The following NAV3 variants were observed in gnomAD, a reference collection of about 807,000 sequenced individuals.
NAV3 encodes the protein neuron navigator 3.
A neutral mutation model predicts 244.7 loss-of-function variants in NAV3; 87 were observed. That is an observed-to-expected ratio of 0.36 (90% CI 0.30 to 0.42). The LOEUF (loss-of-function observed/expected upper bound fraction) is 0.42, where lower values mean the gene tolerates loss of function less well. NAV3 is among the 20% of genes least tolerant of loss of function. The pLI, the probability that NAV3 is intolerant of heterozygous loss-of-function variation, is 1.00. For synonymous variants in NAV3, 1,126 were observed against 1,042.2 expected (o/e 1.08, Z -1.55); for missense variants, 2,663 against 2,893.3 (o/e 0.92, Z 1.83).
intron 1 of NAV3, among the ~76,000 whole-genome samples, chr12:77,849,315 C>T (rs78923456): frequency 0.012 from 1,752 of 152,166 alleles, 28 homozygotes; most frequent in African/African-American, 0.04. Context: ...TACTTCATGT[C>T]TATATCGCAA....
chr12:77,696,304 A>G (rs1472374573), intron 2 of NAV3, among the ~76,000 whole-genome samples: 2 of 152,192 alleles, frequency 1.3e-5, no homozygotes, highest in South Asian at 2.1e-4. Context: ...CCGTCTTGCT[A>G]GTAGAGTCTC....
At position 77,755,611 on chromosome 12, in the gene NAV3, CTCCT is replaced by C. The variant is rs1186550811; in HGVS notation, c.72+183389_72+183392del. Among the ~76,000 whole-genome samples the C allele has an allele frequency of 2.7e-3, 103 of 38,254 alleles. 8 individuals are homozygous for C. Among genetic ancestry groups the C allele is most frequent in the East Asian group, 0.017 (22 of 1,298 alleles). The allele number at this position is 38,254 out of a possible 152,430, so 25.1% of individuals were successfully genotyped here. A position where few individuals can be genotyped will look rare whatever the true frequency, so the allele number is the denominator to read the frequency against. ...CCTCCCTCCCTCCCTCCCTCCCTCC[CTCCT>C]TCCTTCCTTCCTTCCTTCCTTCCTT... is the stretch of plus-strand genomic sequence containing the variant. On this transcript the variant is annotated intron_variant, in intron 2 of 8. Coordinates refer to the NAV3 transcript ENST00000550042.
At chr12:78,064,478 G>T (rs935222150) in intron 12 of NAV3, among the ~76,000 whole-genome samples, 4 of 145,004 alleles carry the variant, frequency 2.8e-5, no homozygotes, top group African/African-American at 1.0e-4. Context: ...TGTCTATATA[G>T]AGAGAGGTCT....
rs1467347681 is a variant in NAV3 at position 78,006,621 on chromosome 12, A to T, written c.1083A>T (p.Pro361=). 9 of 1,614,098 alleles carry T rather than the reference A, an allele frequency of 5.6e-6. No homozygotes were observed. Among genetic ancestry groups the T allele is most frequent in the Non-Finnish European group, 7.6e-6 (9 of 1,180,018 alleles). ...KQSSTATSPT[P]SSDRLKPPVS... ...CAAGTACAGCCACCTCCCCCACACC[A>T]TCTTCAGACAGACTGAAGCCACCTG... The change falls in exon 8 of 40, where the codon CCA becomes CCT. Residue 361 remains proline, a synonymous_variant. Coordinates refer to ENST00000397909, the MANE Select transcript of NAV3 (RefSeq NM_001024383.2).
intron 12 of NAV3, among the ~76,000 whole-genome samples, chr12:78,100,809 C>G (rs1225157152): frequency 1.3e-5 from 2 of 152,074 alleles, no homozygotes; most frequent in Non-Finnish European, 2.9e-5. Flanking sequence ...TTTGTTACTT[C>G]CAGGTTTTTA....
At chr12:77,737,696 C>T (rs2137374553) in intron 2 of NAV3, among the ~76,000 whole-genome samples, 1 of 152,264 alleles carries the variant, frequency 6.6e-6, no homozygotes, top group South Asian at 2.1e-4. Flanking sequence ...GATTAAAGGA[C>T]AAATTTTGTA....
chr12:78,120,861 G>C (rs1183731443), intron 15 of NAV3, among the ~76,000 whole-genome samples: 1 of 152,130 alleles, frequency 6.6e-6, no homozygotes, highest in Non-Finnish European at 1.5e-5. Flanking sequence ...TCTTGGAAAG[G>C]AAAGATTTTG....
intron 12 of NAV3, among the ~76,000 whole-genome samples, chr12:78,064,578 T>A (rs757669481): frequency 2.0e-5 from 3 of 152,052 alleles, no homozygotes; most frequent in Non-Finnish European, 4.4e-5. Context: ...ATTACCTCTG[T>A]AAAAGTCCTG....
chr12:77,593,116 G>T (rs995613540), intron 2 of NAV3, among the ~76,000 whole-genome samples: 1 of 152,128 alleles, frequency 6.6e-6, no homozygotes, highest in Non-Finnish European at 1.5e-5. Context: ...TCAGGGAAGA[G>T]TGGGCCTCTC....
chr12:77,752,555 G>A (rs1868914511), intron 2 of NAV3, among the ~76,000 whole-genome samples: 2 of 152,104 alleles, frequency 1.3e-5, no homozygotes, highest in African/African-American at 4.8e-5. Context: ...CAAGTCCAAT[G>A]GCTTTTCACT....
intron 6 of NAV3, among the ~76,000 whole-genome samples, chr12:77,997,733 A>C (rs1872599282): frequency 6.6e-6 from 1 of 152,210 alleles, no homozygotes; most frequent in African/African-American, 2.4e-5. Context: ...GAAAATGAAA[A>C]AGGTTTTTTG....
At chr12:77,614,854 A>G (rs1451060343) in intron 2 of NAV3, among the ~76,000 whole-genome samples, 2 of 152,216 alleles carry the variant, frequency 1.3e-5, no homozygotes, top group African/African-American at 2.4e-5. Context: ...AGTGGATGTC[A>G]TCATTATCTT....
At chr12:77,688,136 A>C (rs1400880912) in intron 2 of NAV3, among the ~76,000 whole-genome samples, 1 of 152,034 alleles carries the variant, frequency 6.6e-6, no homozygotes, top group Non-Finnish European at 1.5e-5. Context: ...TGGTTTTTGA[A>C]TCTTTCATTT....
intron 2 of NAV3, among the ~76,000 whole-genome samples, chr12:77,619,340 C>T (rs1477803316): frequency 6.6e-6 from 1 of 152,186 alleles, no homozygotes; most frequent in South Asian, 2.1e-4. Context: ...GCTTCTGCTG[C>T]TTAAGGCCAT....
Position 77,975,518 on chromosome 12 carries a change from C to T in NAV3, c.671+6816C>T, listed in dbSNP as rs144582600. ...TTGCTAATTTAAATTTAATGAGGAC[C>T]GAGGAAAGTCCTCATTCAGATGATG... is the stretch of plus-strand genomic sequence containing the variant. On this transcript the variant is annotated intron_variant, in intron 5 of 39. Coordinates refer to ENST00000397909, the MANE Select transcript of NAV3 (RefSeq NM_001024383.2). 4.2e-3 allele frequency among the ~76,000 whole-genome samples: 642 copies of T among 152,080 alleles called. 4 individuals carry two copies. Among genetic ancestry groups the T allele is most frequent in the African/African-American group, 0.015 (606 of 41,496 alleles).
chr12:77,699,430 C>T (rs544834940), intron 2 of NAV3, among the ~76,000 whole-genome samples: 26 of 152,204 alleles, frequency 1.7e-4, no homozygotes, highest in Non-Finnish European at 3.1e-4. Flanking sequence ...AAAACAATGA[C>T]TATTTTATTA....
At chr12:77,719,399 A>G (rs967583516) in intron 2 of NAV3, among the ~76,000 whole-genome samples, 1 of 148,924 alleles carries the variant, frequency 6.7e-6, no homozygotes, top group African/African-American at 2.5e-5. Context: ...CAAATCTTTC[A>G]GAGTTTTTTT....
At chr12:77,762,723 T>TTG (rs1555202592) in intron 2 of NAV3, among the ~76,000 whole-genome samples, 3 of 150,718 alleles carry the variant, frequency 2.0e-5, no homozygotes, top group African/African-American at 4.9e-5. Context: ...TCATGGGTTT[T>TTG]TTGTTGTTGT....
At chr12:77,702,242 T>C (rs1319558552) in intron 2 of NAV3, among the ~76,000 whole-genome samples, 2 of 152,034 alleles carry the variant, frequency 1.3e-5, no homozygotes, top group Non-Finnish European at 2.9e-5. Flanking sequence ...CTTTCTGCCT[T>C]GAAATTTATT....
Sources: gnomAD v4.1 joint callset for allele counts (sites outside exome capture counted in the v4.1 genomes callset) on GRCh38, gnomAD v4.1.1 for gene constraint, MANE v1.5 for transcripts, NCBI Gene and HGNC (gene_info 2026-07-23, HGNC 2026-07-21) for gene names.